The following GABRB2 variants were observed in gnomAD, a reference collection of about 807,000 sequenced individuals.
GABRB2 encodes gamma-aminobutyric acid receptor subunit beta-2.
Under a neutral mutation model 54.7 loss-of-function variants are expected in GABRB2, and 16 were observed. The ratio of observed to expected loss-of-function variants is 0.29; its 90% CI spans 0.20 to 0.44. The LOEUF is 0.44. Among genes scored for constraint, GABRB2 ranks in the 20% least tolerant of loss-of-function variants. GABRB2 has a pLI of 1.00. For missense variants in GABRB2, 355 were observed against 644.0 expected, an observed-to-expected ratio of 0.55 and a Z score of 4.86; for synonymous variants, 244 against 233.8, an observed-to-expected ratio of 1.04 and a Z score of -0.40.
At chr5:161,547,020 T>A, upstream of GABRB2, 1 of 197,838 alleles carries the variant, frequency 5.1e-6, no homozygotes, top group Non-Finnish European at 1.0e-5. Context: ...TTTTGGTGTG[T>A]GTGTGTGTCC....
intron 4 of GABRB2, among the ~76,000 whole-genome samples, chr5:161,425,554 T>C (rs1444122254): frequency 1.3e-5 from 2 of 152,144 alleles, no homozygotes; most frequent in Non-Finnish European, 2.9e-5. Context: ...ATAATGTTAC[T>C]GCACAGAATA....
intron 5 of GABRB2, among the ~76,000 whole-genome samples, chr5:161,360,960 T>A (rs558492450): frequency 2.0e-5 from 3 of 151,554 alleles, no homozygotes; most frequent in African/African-American, 7.2e-5. Flanking sequence ...CAGCAAACTA[T>A]GATTGCACCA....
At chr5:161,385,832 T>C (rs1013331892) in intron 5 of GABRB2, among the ~76,000 whole-genome samples, 2 of 152,018 alleles carry the variant, frequency 1.3e-5, no homozygotes, top group African/African-American at 4.8e-5. Flanking sequence ...CTAAAGAGAC[T>C]GTGTGTGGAA....
At chr5:161,443,091 T>C (rs906705197) in intron 4 of GABRB2, among the ~76,000 whole-genome samples, 1 of 152,062 alleles carries the variant, frequency 6.6e-6, no homozygotes, top group African/African-American at 2.4e-5. Context: ...GCACCTAGAA[T>C]ACAGAATTAC....
At chr5:161,328,051 A>T (rs1758421374) in intron 8 of GABRB2, among the ~76,000 whole-genome samples, 1 of 152,170 alleles carries the variant, frequency 6.6e-6, no homozygotes, top group Non-Finnish European at 1.5e-5. Flanking sequence ...ATTTTGTTTT[A>T]ATCTAATCAA....
chr5:161,455,037 A>T (rs1757908937), intron 4 of GABRB2, among the ~76,000 whole-genome samples: 1 of 152,226 alleles, frequency 6.6e-6, no homozygotes, highest in African/African-American at 2.4e-5. Flanking sequence ...CTATAAAAAA[A>T]GGGTCCATAT....
At chr5:161,455,439 G>A (rs952963966) in intron 4 of GABRB2, among the ~76,000 whole-genome samples, 1 of 152,034 alleles carries the variant, frequency 6.6e-6, no homozygotes, top group African/African-American at 2.4e-5. Context: ...ATCATCCCAT[G>A]GCTGCAGACC....
intron 9 of GABRB2, among the ~76,000 whole-genome samples, chr5:161,324,507 T>C (rs1274092994): frequency 1.3e-5 from 2 of 152,158 alleles, no homozygotes; most frequent in Non-Finnish European, 2.9e-5. Flanking sequence ...AAATTAGTAG[T>C]TTTAGTTTTC....
At chr5:161,454,875 T>C (rs1450557164) in intron 4 of GABRB2, among the ~76,000 whole-genome samples, 1 of 152,210 alleles carries the variant, frequency 6.6e-6, no homozygotes, top group Admixed American at 6.5e-5. Context: ...GGTTGGAATC[T>C]ATCTGCAAAG....
chr5:161,527,824 C>T (rs560317573), intron 3 of GABRB2, among the ~76,000 whole-genome samples: 1 of 150,268 alleles, frequency 6.7e-6, no homozygotes, highest in South Asian at 2.1e-4. Flanking sequence ...GACAGAAATG[C>T]CCAGGACTGA....
At chr5:161,457,717 A>G (rs941655313) in intron 4 of GABRB2, among the ~76,000 whole-genome samples, 2 of 152,016 alleles carry the variant, frequency 1.3e-5, no homozygotes, top group African/African-American at 4.8e-5. Flanking sequence ...AAGTGCTGGT[A>G]TTACATGTGT....
intron 3 of GABRB2, among the ~76,000 whole-genome samples, chr5:161,517,108 A>C (rs978660775): frequency 2.0e-5 from 3 of 152,166 alleles, no homozygotes; most frequent in Non-Finnish European, 4.4e-5. Flanking sequence ...CCAAGACAGC[A>C]AGTGACACAA....
chr5:161,327,154 G>T (rs924845885), intron 8 of GABRB2, among the ~76,000 whole-genome samples: 2 of 151,690 alleles, frequency 1.3e-5, no homozygotes, highest in Admixed American at 1.3e-4. Flanking sequence ...TACTCCAAAG[G>T]ACACTTGGGA....
chr5:161,365,394 G>A (rs976017630), intron 5 of GABRB2, among the ~76,000 whole-genome samples: 12 of 151,992 alleles, frequency 7.9e-5, no homozygotes, highest in Non-Finnish European at 1.5e-4. Context: ...TAATTACACC[G>A]TGCCTCTTTG....
At chr5:161,457,223 T>C (rs556220632) in intron 4 of GABRB2, among the ~76,000 whole-genome samples, 1 of 152,282 alleles carries the variant, frequency 6.6e-6, no homozygotes, top group South Asian at 2.1e-4. Flanking sequence ...CTATGTATGT[T>C]AGATGTGTTC....
In GABRB2 at chr5:161,330,962, C is replaced by G. The variant is rs776801560; in HGVS notation, c.998G>C (p.Arg333Thr). The G allele has an allele frequency of 3.1e-5, 50 of 1,614,066 alleles. No individual in the cohort carries two copies. Among genetic ancestry groups the G allele is most frequent in the Non-Finnish European group, 4.2e-5 (49 of 1,180,036 alleles). ...TGCTTTCTTTTGGCGTTGGGGCCCC[C>G]TCCCAAAGAAGATGTAGTTGACTAG... ...YALVNYIFFG[R>T]GPQRQKKAAE... Residue 333 changes from arginine (R) to threonine (T), a missense_variant, in exon 8 of 10, where the codon AGG (arginine) becomes ACG (threonine). By Grantham distance (71) the Arg-to-Thr change is moderately conservative. This residue lies in a region of GABRB2 where 25 missense variants were observed against 137.4 expected (regional missense o/e 0.18). Coordinates refer to ENST00000393959, the MANE Select transcript of GABRB2 (RefSeq NM_001371727.1).
chr5:161,309,034 C>A (rs895386968), intron 9 of GABRB2, among the ~76,000 whole-genome samples: 1 of 152,186 alleles, frequency 6.6e-6, no homozygotes, highest in East Asian at 1.9e-4. Flanking sequence ...CTAAAGAGCT[C>A]CTGCACGGCA....
chr5:161,355,682 T>TA (rs1378970195), intron 5 of GABRB2, among the ~76,000 whole-genome samples: 8 of 152,146 alleles, frequency 5.3e-5, no homozygotes, highest in Non-Finnish European at 8.8e-5. Flanking sequence ...GGTATGTAGT[T>TA]AAAAATCTAT....
intron 3 of GABRB2, among the ~76,000 whole-genome samples, chr5:161,470,289 C>T (rs1324635946): frequency 1.3e-5 from 2 of 151,722 alleles, no homozygotes; most frequent in African/African-American, 2.4e-5. Context: ...ACACAATAGC[C>T]CCCACTTTAT....
Sources: gnomAD v4.1 joint callset for allele counts (sites outside exome capture counted in the v4.1 genomes callset) on GRCh38, gnomAD v4.1.1 for gene constraint, gnomAD v4.1.1 regional missense constraint, MANE v1.5 for transcripts, NCBI Gene and HGNC (gene_info 2026-07-23, HGNC 2026-07-21) for gene names.